JDP2: variants seen among roughly 807,000 people sequenced by gnomAD.
JDP2 encodes progesterone receptor co-activator.
JDP2 carries 9 observed loss-of-function variants against 17.1 expected under a neutral mutation model. The ratio of observed to expected loss-of-function variants is 0.53; its 90% CI spans 0.32 to 0.92. The LOEUF (loss-of-function observed/expected upper bound fraction) is 0.92, where lower values mean the gene tolerates loss of function less well. Among genes scored for constraint, JDP2 ranks in the 40% least tolerant of loss-of-function variants. The probability of loss-of-function intolerance (pLI) is 0.04; values close to 1 mark genes in which losing one functional copy is unlikely to be tolerated. For missense variants in JDP2, 179 were observed against 220.0 expected (o/e 0.81, Z 1.18); for synonymous variants, 107 against 95.6 (o/e 1.12, Z -0.69).
chr14:75,455,775 G>A (rs962722358), intron 2 of JDP2, among the ~76,000 whole-genome samples: 4 of 152,086 alleles, frequency 2.6e-5, no homozygotes, highest in African/African-American at 4.8e-5. Context: ...TGCTGGTCCC[G>A]GGTTCCCTAA....
At chr14:75,433,207 A>T (rs866585582) in intron 1 of JDP2, among the ~76,000 whole-genome samples, 116 of 143,928 alleles carry the variant, frequency 8.1e-4, no homozygotes, top group African/African-American at 3.0e-3. Context: ...AAAAAAAAAA[A>T]AAAAAAAAAA....
At chr14:75,467,840 G>T (rs981637944) in intron 3 of JDP2, among the ~76,000 whole-genome samples, 1 of 152,144 alleles carries the variant, frequency 6.6e-6, no homozygotes, top group Non-Finnish European at 1.5e-5. Context: ...CACCAGAGCT[G>T]GTTTTTAATA....
At position 75,471,193 on chromosome 14, in the gene JDP2, T is replaced by C. The variant is rs1886802079; in HGVS notation, c.*1718T>C. 1 of 152,218 alleles carries C rather than the reference T, an allele frequency of 6.6e-6. No individual in the cohort carries two copies. 9.4% of individuals were successfully genotyped at this position (152,218 alleles called of 1,614,324 possible). ...GATAGAGTTCCAGGTTGTCCCATGA[T>C]CACAGAGTGAACCAACTACCCTGGT... On this transcript the variant is annotated 3_prime_UTR_variant, in exon 4 of 4. Coordinates refer to ENST00000651602, the MANE Select transcript of JDP2 (RefSeq NM_001135048.2).
At chr14:75,431,386 A>G (rs923141546) in intron 1 of JDP2, among the ~76,000 whole-genome samples, 1 of 152,200 alleles carries the variant, frequency 6.6e-6, no homozygotes, top group African/African-American at 2.4e-5. Context: ...CTGTGCAGGG[A>G]TCACGGCTGC....
intron 2 of JDP2, among the ~76,000 whole-genome samples, chr14:75,443,017 G>A (rs2139961035): frequency 1.3e-5 from 2 of 152,238 alleles, no homozygotes; most frequent in Admixed American, 1.3e-4. Context: ...ATCATTTTCA[G>A]AGCTGGAGAG....
At chr14:75,465,939 T>A (rs909774711) in intron 3 of JDP2, among the ~76,000 whole-genome samples, 3 of 152,230 alleles carry the variant, frequency 2.0e-5, no homozygotes, top group Non-Finnish European at 2.9e-5. Flanking sequence ...GCTTCATAAT[T>A]AATGTGAGAA....
chr14:75,464,028 TG>T (rs1435924462), intron 3 of JDP2, among the ~76,000 whole-genome samples: 2 of 152,176 alleles, frequency 1.3e-5, no homozygotes, highest in African/African-American at 4.8e-5. Context: ...GTTGTTCCAG[TG>T]AGACAGAAGT....
intron 2 of JDP2, among the ~76,000 whole-genome samples, chr14:75,447,813 A>C (rs967007225): frequency 6.6e-6 from 1 of 151,994 alleles, no homozygotes; most frequent in Admixed American, 6.6e-5. Context: ...GTGTACCACC[A>C]TGCCTGGCTA....
intron 1 of JDP2, among the ~76,000 whole-genome samples, chr14:75,435,415 G>C (rs1389354934): frequency 6.6e-6 from 1 of 152,230 alleles, no homozygotes; most frequent in Admixed American, 6.5e-5. Flanking sequence ...TCTCCATGGG[G>C]GGTGGAGGGT....
chr14:75,450,436 GT>G (rs1176103600), intron 2 of JDP2, among the ~76,000 whole-genome samples: 2 of 152,204 alleles, frequency 1.3e-5, no homozygotes, highest in Non-Finnish European at 2.9e-5. Flanking sequence ...TTCCCACACT[GT>G]TTCCTGCAGA....
chr14:75,459,641 C>G (rs1472389045), intron 2 of JDP2, among the ~76,000 whole-genome samples: 1 of 152,232 alleles, frequency 6.6e-6, no homozygotes, highest in African/African-American at 2.4e-5. Flanking sequence ...AGACCTTGTT[C>G]CAGGCCTTGG....
chr14:75,427,625 C>T (rs1884581245), upstream of JDP2: 2 of 152,866 alleles, frequency 1.3e-5, no homozygotes, highest in Non-Finnish European at 1.5e-5. The surrounding 1 kb of genome is among the most constrained non-coding windows in gnomAD (Gnocchi z 4.4). Context: ...CCTCTCGCGT[C>T]TCTCTCCTAG....
chr14:75,446,965 T>A (rs562045863), intron 2 of JDP2, among the ~76,000 whole-genome samples: 52 of 152,218 alleles, frequency 3.4e-4, no homozygotes, highest in Admixed American at 1.3e-3. Flanking sequence ...AACCCCCTTT[T>A]AGACCAGCGG....
Position 75,472,854 on chromosome 14 carries a change from T to A in JDP2, c.*3379T>A, listed in dbSNP as rs1194003259. ...GTGATGAATGCCTGGGATCGCAGAC[T>A]CCTGGATCTGTTCAGCTCCTGACTG... On this transcript the variant is annotated 3_prime_UTR_variant, in exon 4 of 4. Coordinates refer to ENST00000651602, the MANE Select transcript of JDP2 (RefSeq NM_001135048.2). 1 of 152,312 alleles carries A rather than the reference T, an allele frequency of 6.6e-6. No homozygotes were observed. The highest frequency in any genetic ancestry group is 1.5e-5 in the Non-Finnish European group (1 of 68,050). The allele number at this position is 152,312 out of a possible 1,614,324, so 9.4% of individuals were successfully genotyped here.
rs990494534 is a variant in JDP2 at position 75,430,865 on chromosome 14, G to T, written c.-24+2613G>T. 6.6e-6 allele frequency among the ~76,000 whole-genome samples: 1 copy of T among 152,192 alleles called. No individual in the cohort carries two copies. Among genetic ancestry groups the T allele is most frequent in the Non-Finnish European group, 1.5e-5 (1 of 68,026 alleles). ...ACTCAGCAGAGACAAATGCCTTAGC[G>T]ACCCAGTCTTGGAATTTTCAGACTG... On this transcript the variant is annotated intron_variant, in intron 1 of 3. Coordinates refer to ENST00000651602, the MANE Select transcript of JDP2 (RefSeq NM_001135048.2). This position sits in a 1 kb window ranked among gnomAD's most constrained non-coding sequence, Gnocchi z 4.5.
At chr14:75,445,724 A>G in intron 2 of JDP2, 1 of 388,462 alleles carries the variant, frequency 2.6e-6, no homozygotes, top group Non-Finnish European at 3.5e-6. Context: ...TTAGAAGAAA[A>G]CAGCTGTAAA....
chr14:75,473,737 ACT>A lies in JDP2; in HGVS notation c.*4263_*4264del, dbSNP rs1224366607. 1 of 152,210 alleles carries A rather than the reference ACT, an allele frequency of 6.6e-6. No individual in the cohort carries two copies. Among genetic ancestry groups the A allele is most frequent in the Admixed American group, 6.5e-5 (1 of 15,276 alleles). 9.4% of individuals were successfully genotyped at this position (152,210 alleles called of 1,614,324 possible). A position where few individuals can be genotyped will look rare whatever the true frequency, so the allele number is the denominator to read the frequency against. On this transcript the variant is annotated 3_prime_UTR_variant, in exon 4 of 4. Coordinates refer to ENST00000651602, the MANE Select transcript of JDP2 (RefSeq NM_001135048.2). Reference sequence around the variant, plus strand: ...GGGGAGTGAACTGCGGAAGGATACCACTTATGTCATATTTCTAACTAAATGTA... The same window carrying A: ...GGGGAGTGAACTGCGGAAGGATACCATATGTCATATTTCTAACTAAATGTA...
chr14:75,457,450 T>G (rs930577028), intron 2 of JDP2, among the ~76,000 whole-genome samples: 1 of 152,236 alleles, frequency 6.6e-6, no homozygotes, highest in Non-Finnish European at 1.5e-5. Context: ...GCCTGTCTTG[T>G]TTCTGGTAGG....
intron 2 of JDP2, among the ~76,000 whole-genome samples, chr14:75,450,782 A>G (rs1184678093): frequency 6.6e-6 from 1 of 151,664 alleles, no homozygotes; most frequent in Non-Finnish European, 1.5e-5. Flanking sequence ...CTGAGCACAC[A>G]AAAAGTCAAC....
Sources: gnomAD v4.1 joint callset for allele counts (sites outside exome capture counted in the v4.1 genomes callset) on GRCh38, gnomAD v4.1.1 for gene constraint, Gnocchi (gnomAD v3.1) non-coding constraint, MANE v1.5 for transcripts, NCBI Gene and HGNC (gene_info 2026-07-23, HGNC 2026-07-21) for gene names.